Variants in HS6ST2 observed in about 807,000 individuals in gnomAD.
The protein encoded by HS6ST2 is heparan sulfate 6-O-sulfotransferase 2.
Under a neutral mutation model 33.0 loss-of-function variants are expected in HS6ST2, and 17 were observed. That is an observed-to-expected ratio of 0.52 (90% CI 0.35 to 0.77). HS6ST2 has a LOEUF of 0.77. Among genes scored for constraint, HS6ST2 ranks in the 30% least tolerant of loss-of-function variants. The probability of loss-of-function intolerance (pLI) is 0.01; values close to 1 mark genes in which losing one functional copy is unlikely to be tolerated. For synonymous variants in HS6ST2, 248 were observed against 237.1 expected, an observed-to-expected ratio of 1.05 and a Z score of -0.42; for missense variants, 519 against 551.7, an observed-to-expected ratio of 0.94 and a Z score of 0.59.
At chrX:132,778,651 G>A (rs988723770) in intron 2 of HS6ST2, among the ~76,000 whole-genome samples, 35 of 110,198 alleles carry the variant, frequency 3.2e-4, no homozygotes, top group Admixed American at 3.9e-4. Flanking sequence ...TGATCTGCCC[G>A]CCTCAGCCTC....
At chrX:132,960,452 T>A (rs141176378), upstream of HS6ST2, among the ~76,000 whole-genome samples, 92 of 111,081 alleles carry the variant, frequency 8.3e-4, 1 homozygote, top group African/African-American at 2.7e-3. Flanking sequence ...AACAGGTGGG[T>A]CACAAATTCA....
chrX:132,905,435 A>T (rs1295417941), intron 2 of HS6ST2, among the ~76,000 whole-genome samples: 1 of 111,971 alleles, frequency 8.9e-6, no homozygotes, highest in Non-Finnish European at 1.9e-5. Flanking sequence ...ATCTGGGAAA[A>T]ATTTTTCCAC....
chrX:132,819,718 C>T (rs2065433352), intron 2 of HS6ST2, among the ~76,000 whole-genome samples: 1 of 111,887 alleles, frequency 8.9e-6, no homozygotes, highest in African/African-American at 3.2e-5. Context: ...CTCCATGTCC[C>T]CTGCCATCCC....
intron 3 of HS6ST2, chrX:132,669,588 T>C (rs2063845037): frequency 8.5e-6 from 1 of 117,502 alleles, no homozygotes; most frequent in African/African-American, 3.2e-5. Context: ...CATTACATGT[T>C]CAGTTCTGAA....
chrX:132,783,876 A>G (rs1291592327), intron 2 of HS6ST2, among the ~76,000 whole-genome samples: 1 of 111,477 alleles, frequency 9.0e-6, no homozygotes, highest in Non-Finnish European at 1.9e-5. Flanking sequence ...GCACACTGGG[A>G]GAGTCATAAA....
intron 2 of HS6ST2, among the ~76,000 whole-genome samples, chrX:132,741,986 C>T (rs148845825): frequency 8.9e-6 from 1 of 112,129 alleles, no homozygotes; most frequent in East Asian, 2.8e-4. Context: ...GTGCCTGTCA[C>T]ACAAGACACA....
intron 2 of HS6ST2, among the ~76,000 whole-genome samples, chrX:132,819,141 G>A (rs890111226): frequency 1.8e-5 from 2 of 110,518 alleles, no homozygotes; most frequent in South Asian, 7.9e-4. Flanking sequence ...GAACCAACGC[G>A]CAATGGGTGG....
At chrX:132,641,980 C>G (rs5977728) in intron 4 of HS6ST2, among the ~76,000 whole-genome samples, 2,968 of 111,868 alleles carry the variant, frequency 0.027, 117 homozygotes, top group African/African-American at 0.092. Flanking sequence ...AGCTGGACAC[C>G]ATTTTAGACC....
chrX:132,906,351 T>C (rs1171176842), intron 2 of HS6ST2, among the ~76,000 whole-genome samples: 1 of 112,761 alleles, frequency 8.9e-6, no homozygotes, highest in Non-Finnish European at 1.9e-5. Flanking sequence ...GTACTGAATT[T>C]ATATCCAACT....
chrX:132,765,177 A>G (rs1569488318), intron 2 of HS6ST2, among the ~76,000 whole-genome samples: 2 of 112,254 alleles, frequency 1.8e-5, no homozygotes, highest in South Asian at 3.7e-4. Flanking sequence ...CAAAATTCTC[A>G]CTAGAATTTG....
chrX:132,727,113 G>A (rs907452912), intron 2 of HS6ST2, among the ~76,000 whole-genome samples: 13 of 109,174 alleles, frequency 1.2e-4, no homozygotes, highest in African/African-American at 4.0e-4. Context: ...TTACTTTAAG[G>A]TTCATTTGAA....
chrX:132,717,082 A>G (rs1285518865), intron 2 of HS6ST2, among the ~76,000 whole-genome samples: 1 of 113,165 alleles, frequency 8.8e-6, no homozygotes, highest in Non-Finnish European at 1.9e-5. Context: ...TAAAATAAGG[A>G]TCAAGATAAT....
intron 2 of HS6ST2, among the ~76,000 whole-genome samples, chrX:132,850,397 G>C (rs1344017330): frequency 9.0e-6 from 1 of 111,424 alleles, no homozygotes; most frequent in Admixed American, 9.6e-5. Flanking sequence ...AAGAAGCAGA[G>C]AGTCAGAAAG....
At chrX:132,861,300 CTTCCT>C (rs2065908908) in intron 2 of HS6ST2, among the ~76,000 whole-genome samples, 1 of 112,163 alleles carries the variant, frequency 8.9e-6, no homozygotes, top group Non-Finnish European at 1.9e-5. Context: ...GATTGCTTCC[CTTCCT>C]TTCCTTATTA....
intron 4 of HS6ST2, among the ~76,000 whole-genome samples, chrX:132,650,430 A>G (rs1037650024): frequency 4.5e-5 from 5 of 111,540 alleles, no homozygotes; most frequent in African/African-American, 9.8e-5. Flanking sequence ...TGGACCAATA[A>G]CTTAGTGATA....
At chrX:132,846,327 C>T (rs1401051706) in intron 2 of HS6ST2, among the ~76,000 whole-genome samples, 1 of 112,212 alleles carries the variant, frequency 8.9e-6, no homozygotes, top group Non-Finnish European at 1.9e-5. Flanking sequence ...AATTTCATCT[C>T]AAGTGAATAA....
chrX:132,866,104 T>C (rs1219330448), intron 2 of HS6ST2, among the ~76,000 whole-genome samples: 49 of 110,569 alleles, frequency 4.4e-4, no homozygotes, highest in African/African-American at 1.4e-3. Context: ...AGGGTTTTTA[T>C]GGTTTTAGGT....
chrX:132,827,072 A>G (rs999581177), intron 2 of HS6ST2, among the ~76,000 whole-genome samples: 1 of 111,690 alleles, frequency 9.0e-6, no homozygotes, highest in African/African-American at 3.3e-5. Flanking sequence ...CCAATGTTGG[A>G]TAATTATATT....
At chrX:132,952,803 C>T (rs767385905) in intron 2 of HS6ST2, among the ~76,000 whole-genome samples, 1 of 111,201 alleles carries the variant, frequency 9.0e-6, no homozygotes, top group South Asian at 3.9e-4. Flanking sequence ...CAATGAAAGG[C>T]CCCTCTGCAA....
Sources: gnomAD v4.1 joint callset for allele counts (sites outside exome capture counted in the v4.1 genomes callset) on GRCh38, gnomAD v4.1.1 for gene constraint, MANE v1.5 for transcripts, NCBI Gene and HGNC (gene_info 2026-07-23, HGNC 2026-07-21) for gene names.